CHN2: variants seen among roughly 807,000 people sequenced by gnomAD.
CHN2 encodes the protein beta-chimaerin.
A neutral mutation model predicts 56.3 loss-of-function variants in CHN2; 35 were observed. That is an observed-to-expected ratio of 0.62 (90% CI 0.47 to 0.82). The LOEUF is 0.82. CHN2 is among the 40% of genes least tolerant of loss of function. The pLI, the probability that CHN2 is intolerant of heterozygous loss-of-function variation, is 0.00. For synonymous variants in CHN2, 210 were observed against 212.8 expected (o/e 0.99, Z 0.12); for missense variants, 491 against 580.5 (o/e 0.85, Z 1.58).
At position 29,449,805 on chromosome 7, in the gene CHN2, G is replaced by A. The variant is rs1784279581; in HGVS notation, c.577-30474G>A. Among the ~76,000 whole-genome samples, 4 of 152,254 alleles carry A rather than the reference G, an allele frequency of 2.6e-5. No homozygotes were observed. In the South Asian group the frequency reaches 8.3e-4, roughly 32 times the overall value. ...GCAGGGGTACAGATGTTCAAGGCATGTGAAGTAATTTAGGCCAAGGCCAAG... is the reference window on the plus strand; with the variant it reads ...GCAGGGGTACAGATGTTCAAGGCATATGAAGTAATTTAGGCCAAGGCCAAG... On this transcript the variant is annotated intron_variant, in intron 6 of 12. Transcript: ENST00000222792.
chr7:29,480,191 A>G (rs1562641764), intron 6 of CHN2, 88 bp from the exon 7 acceptor site: 10 of 1,612,018 alleles, frequency 6.2e-6, no homozygotes, highest in Non-Finnish European at 8.5e-6. Context: ...GGAAACGCCA[A>G]GAACTGCTGG....
chr7:29,360,676 A>G (rs1308202028), intron 2 of CHN2, among the ~76,000 whole-genome samples: 1 of 152,086 alleles, frequency 6.6e-6, no homozygotes, highest in Non-Finnish European at 1.5e-5. Flanking sequence ...AGCAGTGAGC[A>G]GGGTCATACT....
chr7:29,150,023 G>C (rs948383653), intron 2 of CHN2, among the ~76,000 whole-genome samples: 1 of 152,138 alleles, frequency 6.6e-6, no homozygotes, highest in Non-Finnish European at 1.5e-5. Flanking sequence ...TCAAAGGTTG[G>C]CCAACAAATC....
At chr7:29,149,414 G>C (rs759772606) in intron 2 of CHN2, among the ~76,000 whole-genome samples, 1 of 151,928 alleles carries the variant, frequency 6.6e-6, no homozygotes, top group South Asian at 2.1e-4. Flanking sequence ...GGCTGGTCTC[G>C]AACTCCTGAC....
At chr7:29,309,185 T>G (rs1794399656) in intron 1 of CHN2, among the ~76,000 whole-genome samples, 1 of 152,148 alleles carries the variant, frequency 6.6e-6, no homozygotes, top group Non-Finnish European at 1.5e-5. Context: ...TTTTTTTGTT[T>G]TTGTTTTTGT....
chr7:29,164,748 TC>T (rs1376104012), intron 2 of CHN2, among the ~76,000 whole-genome samples: 1 of 125,494 alleles, frequency 8.0e-6, no homozygotes, highest in African/African-American at 3.2e-5. Context: ...ACCACTGCAC[TC>T]CAGCCTGGGT....
In CHN2 at chr7:29,342,424, C is replaced by T. The variant is rs188027372; in HGVS notation, c.50-12201C>T. Among the ~76,000 whole-genome samples the T allele has an allele frequency of 3.2e-3, 486 of 152,096 alleles. 2 individuals carry two copies. The highest frequency in any genetic ancestry group is 1.0e-2 in the African/African-American group (414 of 41,498). ...TACTTGACTCCGAATATACTATGGCCAAAAAAATATTTCTTGGCTTGCCAG... is the reference window on the plus strand; with the variant it reads ...TACTTGACTCCGAATATACTATGGCTAAAAAAATATTTCTTGGCTTGCCAG... On this transcript the variant is annotated intron_variant, in intron 1 of 12. Transcript: ENST00000222792.
At chr7:29,420,597 A>G (rs1442657452) in intron 6 of CHN2, among the ~76,000 whole-genome samples, 1 of 152,228 alleles carries the variant, frequency 6.6e-6, no homozygotes, top group African/African-American at 2.4e-5. Flanking sequence ...AAGCAGTCAT[A>G]TTCACAGCAA....
intron 6 of CHN2, among the ~76,000 whole-genome samples, chr7:29,454,165 A>G (rs1404536064): frequency 1.3e-5 from 2 of 152,230 alleles, no homozygotes; most frequent in East Asian, 3.8e-4. Flanking sequence ...GAACTGGATC[A>G]TAAAGGATAA....
chr7:29,155,623 C>T (rs1039602852), intron 2 of CHN2, among the ~76,000 whole-genome samples: 2 of 152,174 alleles, frequency 1.3e-5, no homozygotes, highest in African/African-American at 4.8e-5. Context: ...GTCTAGCTGC[C>T]TCCACTCCAA....
chr7:29,341,243 T>C (rs543344417), intron 1 of CHN2, among the ~76,000 whole-genome samples: 2 of 141,580 alleles, frequency 1.4e-5, no homozygotes, highest in African/African-American at 5.0e-5. Context: ...TCGGTAGCCC[T>C]CTGATAGTCC....
intron 6 of CHN2, among the ~76,000 whole-genome samples, chr7:29,404,479 C>A (rs1458109509): frequency 1.3e-5 from 2 of 152,104 alleles, no homozygotes; most frequent in Admixed American, 6.5e-5. Context: ...ATTATAGCAG[C>A]AAAAATTAGA....
chr7:29,401,326 G>A (rs1802191639), intron 6 of CHN2: 1 of 153,978 alleles, frequency 6.5e-6, no homozygotes, highest in Admixed American at 6.4e-5. Context: ...GCCCAGAAAT[G>A]TTTGATGATT....
chr7:29,412,770 G>T (rs1803370262), intron 6 of CHN2, among the ~76,000 whole-genome samples: 1 of 152,092 alleles, frequency 6.6e-6, no homozygotes, highest in Admixed American at 6.5e-5. Flanking sequence ...GTTGGAAGGG[G>T]TATCTCTCAG....
At chr7:29,280,205 G>A (rs191519782) in intron 1 of CHN2, among the ~76,000 whole-genome samples, 2,173 of 151,946 alleles carry the variant, frequency 0.014, 59 homozygotes, top group African/African-American at 0.05. Flanking sequence ...CCAACATGGC[G>A]AAACCCCGTC....
At chr7:29,184,151 T>TA (rs1554355224) in intron 2 of CHN2, among the ~76,000 whole-genome samples, 1 of 143,322 alleles carries the variant, frequency 7.0e-6, no homozygotes, top group Non-Finnish European at 1.5e-5. Flanking sequence ...TACAGATAGA[T>TA]GATAGATAGA....
At chr7:29,200,494 T>G (rs1434496598) in intron 1 of CHN2, among the ~76,000 whole-genome samples, 1 of 123,556 alleles carries the variant, frequency 8.1e-6, no homozygotes, top group African/African-American at 3.1e-5. Context: ...CTTTTGTCTC[T>G]TTTTCTTCTC....
In CHN2 at chr7:29,338,681, C is replaced by T. The variant is rs1451888169; in HGVS notation, c.50-15944C>T. Among the ~76,000 whole-genome samples, 50 of 152,274 alleles carry T rather than the reference C, an allele frequency of 3.3e-4. 1 individual carries two copies. The highest frequency in any genetic ancestry group is 3.3e-3 in the Admixed American group (50 of 15,292). ...GCAACCTCCATCTCCCAGGTTCAAG[C>T]AATTCTCATGCCTCAGCCTCCTGAG... On this transcript the variant is annotated intron_variant, in intron 1 of 12. Coordinates refer to ENST00000222792, the MANE Select transcript of CHN2 (RefSeq NM_004067.4).
chr7:29,347,614 A>T (rs926424402), intron 1 of CHN2, among the ~76,000 whole-genome samples: 4 of 152,164 alleles, frequency 2.6e-5, no homozygotes, highest in African/African-American at 9.7e-5. Context: ...CACCCCCATG[A>T]TCCAATCACC....
Sources: gnomAD v4.1 joint callset for allele counts (sites outside exome capture counted in the v4.1 genomes callset) on GRCh38, gnomAD v4.1.1 for gene constraint, MANE v1.5 for transcripts, NCBI Gene and HGNC (gene_info 2026-07-23, HGNC 2026-07-21) for gene names.